Variants in ZNF324B observed in about 807,000 individuals in gnomAD.
ZNF324B encodes the protein zinc finger protein 324B.
Under a neutral mutation model 10.6 loss-of-function variants are expected in ZNF324B, and 7 were observed. The ratio of observed to expected loss-of-function variants is 0.66; its 90% CI spans 0.38 to 1.24. The LOEUF (loss-of-function observed/expected upper bound fraction) is 1.24, where lower values mean the gene tolerates loss of function less well. Ranked by LOEUF, ZNF324B falls within the 50% of genes most tolerant of loss-of-function variation. The pLI, the probability that ZNF324B is intolerant of heterozygous loss-of-function variation, is 0.02. For synonymous variants in ZNF324B, 316 were observed against 321.0 expected (o/e 0.98, Z 0.17); for missense variants, 640 against 764.7 (o/e 0.84, Z 1.92).
the ZNF324B span, chr19:58,431,033 G>A: frequency 6.6e-6 from 1 of 152,248 alleles, no homozygotes; most frequent in South Asian, 2.1e-4. Context: ...ACCCTGGAAA[G>A]CCTTCACAAA....
the ZNF324B span, chr19:58,445,264 T>G: frequency 5.3e-6 from 2 of 374,212 alleles, no homozygotes; most frequent in Non-Finnish European, 1.0e-5. Context: ...GGAAAGCCTA[T>G]TCTCAATTTT....
the ZNF324B span, chr19:58,442,755 C>T: frequency 4.6e-5 from 7 of 152,378 alleles, no homozygotes; most frequent in Admixed American, 2.6e-4. Context: ...GTTTGTTCCT[C>T]CCAGTGGGTT....
the ZNF324B span, chr19:58,434,496 T>C: frequency 6.2e-7 from 1 of 1,614,248 alleles, no homozygotes; most frequent in Non-Finnish European, 8.5e-7. Flanking sequence ...CATAATATTT[T>C]ACTTCAGTGT....
upstream of ZNF324B, among the ~76,000 whole-genome samples, chr19:58,449,366 G>A (rs963988809): frequency 2.0e-5 from 3 of 152,256 alleles, no homozygotes; most frequent in Non-Finnish European, 4.4e-5. Context: ...ATGTGGGGTT[G>A]AAGACCCCAC....
Position 58,455,536 on chromosome 19 carries a change from T to C in ZNF324B, c.592T>C (p.Cys198Arg). 2 of 1,613,982 alleles carry C rather than the reference T, an allele frequency of 1.2e-6. No homozygotes were observed. The highest frequency in any genetic ancestry group is 1.1e-5 in the South Asian group (1 of 91,078). Reference protein sequence around the residue: ...QPRTPERQKPCAQEVPGRAFG... With the variant: ...QPRTPERQKPRAQEVPGRAFG... ...CAGGACGCCTGAGCGGCAGAAGCCA[T>C]GTGCACAGGAGGTCCCTGGGAGAGC... is the stretch of plus-strand genomic sequence containing the variant. The change falls in exon 4 of 4, where the codon TGT becomes CGT. Residue 198 changes from cysteine (C) to arginine (R), a missense_variant. Physicochemically the swap from Cys to Arg is radical, Grantham distance 180. This residue lies in a region of ZNF324B where 345 missense variants were observed against 387.9 expected (regional missense o/e 0.89). Transcript: ENST00000336614. This position sits in a 1 kb window ranked among gnomAD's most constrained non-coding sequence, Gnocchi z 7.0.
At position 58,457,824 on chromosome 19, in the gene ZNF324B, G is replaced by A. The variant is rs563979372; in HGVS notation, c.*1245G>A. 6.6e-6 allele frequency: 1 copy of A among 152,312 alleles called. No individual in the cohort carries two copies. Among genetic ancestry groups the A allele is most frequent in the African/African-American group, 2.4e-5 (1 of 41,566 alleles). 9.4% of individuals were successfully genotyped at this position (152,312 alleles called of 1,614,324 possible). A position where few individuals can be genotyped will look rare whatever the true frequency, so the allele number is the denominator to read the frequency against. ...GTATTTGCAACTTCAAATAGATGTAGTTTCCTTTACAGCCGTGTGGACCTC... is the reference window on the plus strand; with the variant it reads ...GTATTTGCAACTTCAAATAGATGTAATTTCCTTTACAGCCGTGTGGACCTC... On this transcript the variant is annotated 3_prime_UTR_variant, in exon 4 of 4. Transcript: ENST00000336614.
rs2052921178 is a variant in ZNF324B, at chr19:58,456,325, G to T, written c.1381G>T (p.Gly461Cys). ...RPFRCVDCGK[G>C]FAKGAVLLSH... Reference sequence around the variant, plus strand: ...CTTCCGCTGCGTGGACTGTGGCAAGGGTTTCGCCAAGGGCGCCGTGCTGCT... The same window carrying T: ...CTTCCGCTGCGTGGACTGTGGCAAGTGTTTCGCCAAGGGCGCCGTGCTGCT... Residue 461 changes from glycine (G) to cysteine (C), a missense_variant, in exon 4 of 4, where the codon GGT (glycine) becomes TGT (cysteine). Around this residue, in one of 3 missense-constraint regions of ZNF324B, gnomAD observed 238 missense variants for 258.0 expected, o/e 0.92. Coordinates refer to ENST00000336614, the MANE Select transcript of ZNF324B (RefSeq NM_207395.3). The surrounding 1 kb of genome is among the most constrained non-coding windows in gnomAD (Gnocchi z 4.7). 6.2e-7 allele frequency: 1 copy of T among 1,612,776 alleles called. No individual in the cohort carries two copies. The highest frequency in any genetic ancestry group is 8.5e-7 in the Non-Finnish European group (1 of 1,179,850).
chr19:58,438,927 T>C, the ZNF324B span, among the ~76,000 whole-genome samples: 1 of 151,950 alleles, frequency 6.6e-6, no homozygotes, highest in Admixed American at 6.6e-5. Flanking sequence ...CACACTACCA[T>C]GTCCTGGCTA....
At chr19:58,427,357 T>C in the ZNF324B span, among the ~76,000 whole-genome samples, 6 of 65,602 alleles carry the variant, frequency 9.1e-5, no homozygotes, top group African/African-American at 2.4e-4. Context: ...TTCCTTTCTT[T>C]CTTTCTTTCT....
chr19:58,447,112 C>G (rs1403493062), upstream of ZNF324B, among the ~76,000 whole-genome samples: 1 of 152,036 alleles, frequency 6.6e-6, no homozygotes, highest in Non-Finnish European at 1.5e-5. Context: ...AATAGCTGGA[C>G]TTACAGGCGT....
chr19:58,455,058 T>G lies in ZNF324B; in HGVS notation c.239-125T>G. Reference sequence around the variant, plus strand: ...CCCAGCCCCTCCTGCAGAGCCAGCCTCACCTCTTCTTTTTCCCTAAGCTTT... The same window carrying G: ...CCCAGCCCCTCCTGCAGAGCCAGCCGCACCTCTTCTTTTTCCCTAAGCTTT... On this transcript the variant is annotated intron_variant, in intron 3 of 3. Transcript: ENST00000336614. This position sits in a 1 kb window ranked among gnomAD's most constrained non-coding sequence, Gnocchi z 7.0. 1 of 1,332,812 alleles carries G rather than the reference T, an allele frequency of 7.5e-7. No homozygotes were observed. Among genetic ancestry groups the G allele is most frequent in the Non-Finnish European group, 1.1e-6 (1 of 931,322 alleles). 82.6% of individuals were successfully genotyped at this position (1,332,812 alleles called of 1,614,324 possible). A position where few individuals can be genotyped will look rare whatever the true frequency, so the allele number is the denominator to read the frequency against.
the ZNF324B span, chr19:58,441,615 G>A: frequency 2.0e-5 from 3 of 152,434 alleles, no homozygotes; most frequent in Admixed American, 2.0e-4. Context: ...AGTCTGAATT[G>A]TCTGGAGACC....
chr19:58,455,416 ATCAGCC>A lies in ZNF324B; in HGVS notation c.474_479del (p.Ile158_Leu160delinsMet). 1 of 1,614,206 alleles carries A rather than the reference ATCAGCC, an allele frequency of 6.2e-7. No homozygotes were observed. Among genetic ancestry groups the A allele is most frequent in the African/African-American group, 1.3e-5 (1 of 75,062 alleles). ...AGGCTCGCGCAGTGACCAGGCCAGC[ATCAGCC>A]TGCGACTGACCTCCCCACTCAGGCC... On this transcript the variant is annotated inframe_deletion, in exon 4 of 4. Transcript: ENST00000336614. This position sits in a 1 kb window ranked among gnomAD's most constrained non-coding sequence, Gnocchi z 7.0.
chr19:58,421,226 C>G, the ZNF324B span, among the ~76,000 whole-genome samples: 2 of 151,984 alleles, frequency 1.3e-5, no homozygotes, highest in Admixed American at 1.3e-4. Context: ...GGAGTAGAGT[C>G]CCATCTGCCT....
At chr19:58,432,456 A>G in the ZNF324B span, 1 of 377,264 alleles carries the variant, frequency 2.7e-6, no homozygotes, top group Admixed American at 3.4e-5. Context: ...AGTCTACCCA[A>G]ATCCCTGGTT....
chr19:58,446,659 C>T (rs930286632), upstream of ZNF324B, among the ~76,000 whole-genome samples: 1 of 148,404 alleles, frequency 6.7e-6, no homozygotes, highest in African/African-American at 2.5e-5. Flanking sequence ...TCACTGCAAC[C>T]TCCGCCTCCC....
In ZNF324B at chr19:58,456,904, A is replaced by C; in HGVS notation, c.*325A>C. ...CAGCGCTGCATGGTGGTGCTACTTCATGTGTTATGAGAGTGGATGCTGAGG... is the reference window on the plus strand; with the variant it reads ...CAGCGCTGCATGGTGGTGCTACTTCCTGTGTTATGAGAGTGGATGCTGAGG... On this transcript the variant is annotated 3_prime_UTR_variant, in exon 4 of 4. Transcript: ENST00000336614. The surrounding 1 kb of genome is among the most constrained non-coding windows in gnomAD (Gnocchi z 4.7). 2 of 420,302 alleles carry C rather than the reference A, an allele frequency of 4.8e-6. No homozygotes were observed. The highest frequency in any genetic ancestry group is 4.1e-5 in the East Asian group (1 of 24,364). 26.0% of individuals were successfully genotyped at this position (420,302 alleles called of 1,614,324 possible).
the ZNF324B span, among the ~76,000 whole-genome samples, chr19:58,427,401 TCTTTCCTTC>T: frequency 2.1e-5 from 1 of 47,636 alleles, no homozygotes; most frequent in African/African-American, 1.1e-4. Flanking sequence ...TTTCTTTCTT[TCTTTCCTTC>T]CTTCCTTCCT....
At chr19:58,420,360 A>G in the ZNF324B span, among the ~76,000 whole-genome samples, 237 of 152,108 alleles carry the variant, frequency 1.6e-3, no homozygotes, top group Middle Eastern at 3.4e-3. Flanking sequence ...CAGAGGTTGC[A>G]GTGAGCCAAG....
Sources: allele counts gnomAD v4.1 joint callset (sites outside exome capture counted in the v4.1 genomes callset), GRCh38; gene constraint gnomAD v4.1.1; regional missense constraint gnomAD v4.1.1; non-coding constraint Gnocchi (gnomAD v3.1); transcripts MANE v1.5; gene names NCBI Gene and HGNC (gene_info 2026-07-23, HGNC 2026-07-21).